Variants in SLC5A3 observed in about 807,000 individuals in gnomAD.
SLC5A3 encodes the protein solute carrier family 5 member 3, also known as sodium/myo-inositol cotransporter.
SLC5A3 carries 10 observed loss-of-function variants against 43.2 expected under a neutral mutation model. That is an observed-to-expected ratio of 0.23 (90% CI 0.14 to 0.39). The LOEUF (loss-of-function observed/expected upper bound fraction) is 0.39. Among genes scored for constraint, SLC5A3 ranks in the 10% least tolerant of loss-of-function variants. The pLI is 1.00. For synonymous variants in SLC5A3, 349 were observed against 322.0 expected, an observed-to-expected ratio of 1.08 and a Z score of -0.90; for missense variants, 608 against 893.4, an observed-to-expected ratio of 0.68 and a Z score of 4.07.
chr21:34,084,476 T>G (rs1319924796), intron 1 of SLC5A3, among the ~76,000 whole-genome samples: 1 of 152,176 alleles, frequency 6.6e-6, no homozygotes, highest in Admixed American at 6.5e-5. Context: ...GGAGGCTAGA[T>G]GAGTTGATAA....
Position 34,096,823 on chromosome 21 carries a change from G to A in SLC5A3, c.1625G>A (p.Arg542Gln), listed in dbSNP as rs1212303673. The change falls in exon 2 of 2, where the codon CGA (arginine) becomes CAA (glutamine). Residue 542 changes from arginine to glutamine, a missense_variant. Around this residue, in one of 2 missense-constraint regions of SLC5A3, gnomAD observed 210 missense variants for 224.8 expected, o/e 0.93. Transcript: ENST00000381151. The surrounding 1 kb of genome is among the most constrained non-coding windows in gnomAD (Gnocchi z 5.9). ...CCACCTCCCACAAAGGAACAGATTCGAACCACCACCTTTTGGTCTAAGAAG... is the reference window on the plus strand; with the variant it reads ...CCACCTCCCACAAAGGAACAGATTCAAACCACCACCTTTTGGTCTAAGAAG... ...LTPPPTKEQI[R>Q]TTTFWSKKNL... 1.2e-6 allele frequency: 2 copies of A among 1,613,978 alleles called. No homozygotes were observed. The highest frequency in any genetic ancestry group is 1.1e-5 in the South Asian group (1 of 91,060).
chr21:34,090,879 G>A (rs759390784), intron 1 of SLC5A3, among the ~76,000 whole-genome samples: 6 of 152,166 alleles, frequency 3.9e-5, no homozygotes, highest in Non-Finnish European at 7.4e-5. Context: ...CTTCTGTACC[G>A]TGCCACCTAC....
chr21:34,097,620 A>G lies in SLC5A3; in HGVS notation c.*265A>G, dbSNP rs149158500. 3.5e-4 allele frequency: 417 copies of G among 1,185,126 alleles called. 1 individual carries two copies. Among genetic ancestry groups the G allele is most frequent in the East Asian group, 2.1e-3 (44 of 21,164 alleles). 73.4% of individuals were successfully genotyped at this position (1,185,126 alleles called of 1,614,324 possible). A position where few individuals can be genotyped will look rare whatever the true frequency, so the allele number is the denominator to read the frequency against. The stretch of plus-strand genomic sequence containing the variant: ...TGCATACCAAAGTAAGAAGAGACCA[A>G]TTATTCTCACAGAGCACTTAGAGCA... On this transcript the variant is annotated 3_prime_UTR_variant, in exon 2 of 2. Transcript: ENST00000381151.
chr21:34,094,607 G>A (rs570367950), intron 1 of SLC5A3, among the ~76,000 whole-genome samples: 1 of 152,314 alleles, frequency 6.6e-6, no homozygotes, highest in South Asian at 2.1e-4. Flanking sequence ...GTTAGCTGCT[G>A]AAGTTAGGCC....
chr21:34,079,437 CTTCT>C (rs1264881922), intron 1 of SLC5A3, among the ~76,000 whole-genome samples: 1 of 150,796 alleles, frequency 6.6e-6, no homozygotes, highest in Non-Finnish European at 1.5e-5. Flanking sequence ...CTCCCTTCTT[CTTCT>C]TTCTGTTTTT....
intron 1 of SLC5A3, among the ~76,000 whole-genome samples, chr21:34,093,827 T>A (rs111579680): frequency 0.012 from 1,753 of 152,324 alleles, 36 homozygotes; most frequent in South Asian, 0.081. Context: ...AGAGTGATTA[T>A]CTTAATCCAG....
chr21:34,077,439 C>T (rs1255362880), intron 1 of SLC5A3, among the ~76,000 whole-genome samples: 1 of 152,114 alleles, frequency 6.6e-6, no homozygotes, highest in Non-Finnish European at 1.5e-5. Context: ...ATTATGAAAG[C>T]CCTGGGATAA....
At chr21:34,074,000 G>C (rs2148649283) in intron 1 of SLC5A3, among the ~76,000 whole-genome samples, 1 of 146,114 alleles carries the variant, frequency 6.8e-6, no homozygotes, top group Admixed American at 6.8e-5. Context: ...CCTCGCAAGC[G>C]GCCCGCCGGG....
chr21:34,073,825 G>A, intron 1 of SLC5A3, 80 bp downstream of exon 1: 3 of 1,131,522 alleles, frequency 2.7e-6, no homozygotes, highest in East Asian at 8.7e-5. Context: ...CGCGCGCCCT[G>A]GCCGCGGGAC....
In SLC5A3 at chr21:34,103,040, C is replaced by T. The variant is rs1364497124; in HGVS notation, c.*5685C>T. 3 of 999,678 alleles carry T rather than the reference C, an allele frequency of 3.0e-6. No individual in the cohort carries two copies. The highest frequency in any genetic ancestry group is 3.6e-6 in the Non-Finnish European group (3 of 829,706). 61.9% of individuals were successfully genotyped at this position (999,678 alleles called of 1,614,324 possible). ...TAAGTTTTCAATTTATCAACATAGC[C>T]TAGACTTCTGTAAGTGGAATGTTCA... On this transcript the variant is annotated 3_prime_UTR_variant, in exon 2 of 2. Transcript: ENST00000381151.
chr21:34,095,445 G>C lies in SLC5A3; in HGVS notation c.247G>C (p.Glu83Gln), dbSNP rs1978924433. 1 of 1,613,976 alleles carries C rather than the reference G, an allele frequency of 6.2e-7. No individual in the cohort carries two copies. The highest frequency in any genetic ancestry group is 8.5e-7 in the Non-Finnish European group (1 of 1,179,978). Residue 83 changes from glutamate (E) to glutamine (Q), a missense_variant, in exon 2 of 2, where the codon GAA becomes CAA. Around this residue, in one of 2 missense-constraint regions of SLC5A3, gnomAD observed 398 missense variants for 668.6 expected, o/e 0.60. Transcript: ENST00000381151. ...AAGTGGATTTGCAGTGGGCGCATGGGAATTCAATGCCTTACTGCTTTTACA... is the reference window on the plus strand; with the variant it reads ...AAGTGGATTTGCAGTGGGCGCATGGCAATTCAATGCCTTACTGCTTTTACA... ...AASGFAVGAW[E>Q]FNALLLLQLL...
chr21:34,094,130 C>T (rs1476551790), intron 1 of SLC5A3, among the ~76,000 whole-genome samples: 1 of 152,174 alleles, frequency 6.6e-6, no homozygotes, highest in Non-Finnish European at 1.5e-5. Context: ...TTTTTATCTT[C>T]TTGCAGCATC....
At chr21:34,075,604 A>C (rs989998035) in intron 1 of SLC5A3, among the ~76,000 whole-genome samples, 2 of 152,250 alleles carry the variant, frequency 1.3e-5, no homozygotes, top group African/African-American at 4.8e-5. Flanking sequence ...TCTTGGAGAA[A>C]GAGGCCCCAT....
chr21:34,099,393 C>G lies in SLC5A3; in HGVS notation c.*2038C>G. 1.0e-6 allele frequency: 1 copy of G among 1,000,184 alleles called. No individual in the cohort carries two copies. The allele number at this position is 1,000,184 out of a possible 1,614,324, so 62.0% of individuals were successfully genotyped here. ...GACAAATGGTTGTCAATGTTTTGTCCTGTTTTTTCAAAGGAACTGTTCTTC... is the reference window on the plus strand; with the variant it reads ...GACAAATGGTTGTCAATGTTTTGTCGTGTTTTTTCAAAGGAACTGTTCTTC... On this transcript the variant is annotated 3_prime_UTR_variant, in exon 2 of 2. Coordinates refer to ENST00000381151, the MANE Select transcript of SLC5A3 (RefSeq NM_006933.7).
rs558035710 is a variant in SLC5A3, at chr21:34,084,425, A to G, written c.-336-10438A>G. On this transcript the variant is annotated intron_variant, in intron 1 of 1. Transcript: ENST00000381151. Reference sequence around the variant, plus strand: ...AAAAACACAAAGTTGACCTGGTAGGATGTTTTACCTCTATAAACCTCATAG... The same window carrying G: ...AAAAACACAAAGTTGACCTGGTAGGGTGTTTTACCTCTATAAACCTCATAG... 2.0e-5 allele frequency among the ~76,000 whole-genome samples: 3 copies of G among 152,296 alleles called. No individual in the cohort carries two copies. The East Asian group carries it at 5.8e-4, about 29-fold the overall frequency.
At chr21:34,074,466 T>C (rs975485367) in intron 1 of SLC5A3, among the ~76,000 whole-genome samples, 3 of 152,224 alleles carry the variant, frequency 2.0e-5, no homozygotes, top group Non-Finnish European at 4.4e-5. Flanking sequence ...CTGCTTTTGA[T>C]TGATCTTGAG....
rs1198713627 is a variant in SLC5A3 at position 34,106,250 on chromosome 21, T to G, written c.*8895T>G. Reference sequence around the variant, plus strand: ...AATTCTGTACCAACTTTGAATAAAATGAAAAATTTATATTTCTGTGACTAA... The same window carrying G: ...AATTCTGTACCAACTTTGAATAAAAGGAAAAATTTATATTTCTGTGACTAA... On this transcript the variant is annotated 3_prime_UTR_variant, in exon 2 of 2. Coordinates refer to ENST00000381151, the MANE Select transcript of SLC5A3 (RefSeq NM_006933.7). 1.2e-6 allele frequency: 1 copy of G among 849,794 alleles called. No individual in the cohort carries two copies. The highest frequency in any genetic ancestry group is 1.4e-6 in the Non-Finnish European group (1 of 692,850). The allele number at this position is 849,794 out of a possible 1,614,324, so 52.6% of individuals were successfully genotyped here.
chr21:34,093,569 G>A (rs1978816013), intron 1 of SLC5A3, among the ~76,000 whole-genome samples: 1 of 151,790 alleles, frequency 6.6e-6, no homozygotes, highest in Admixed American at 6.6e-5. Flanking sequence ...GACTTAAAAG[G>A]AAAATGCCTA....
chr21:34,083,701 C>T (rs1440317468), intron 1 of SLC5A3, among the ~76,000 whole-genome samples: 2 of 152,222 alleles, frequency 1.3e-5, no homozygotes, highest in African/African-American at 4.8e-5. Context: ...TTCCATTAGG[C>T]AGCCTAAGTC....
Sources: allele counts gnomAD v4.1 joint callset (sites outside exome capture counted in the v4.1 genomes callset), GRCh38; gene constraint gnomAD v4.1.1; regional missense constraint gnomAD v4.1.1; non-coding constraint Gnocchi (gnomAD v3.1); transcripts MANE v1.5; gene names NCBI Gene and HGNC (gene_info 2026-07-23, HGNC 2026-07-21).